The following RBFOX3 variants were observed in gnomAD, a reference collection of about 807,000 sequenced individuals.
The protein encoded by RBFOX3 is RNA binding protein fox-1 homolog 3.
RBFOX3 carries 17 observed loss-of-function variants against 48.7 expected under a neutral mutation model. The ratio of observed to expected loss-of-function variants is 0.35; its 90% CI spans 0.24 to 0.52. RBFOX3 has a LOEUF of 0.52. Ranked by LOEUF, RBFOX3 falls within the 20% of genes least tolerant of loss-of-function variation. RBFOX3 has a pLI of 0.94. For missense variants in RBFOX3, 382 were observed against 497.5 expected, an observed-to-expected ratio of 0.77 and a Z score of 2.21; for synonymous variants, 212 against 209.5, an observed-to-expected ratio of 1.01 and a Z score of -0.10.
chr17:79,515,166 G>A (rs942825971), intron 1 of RBFOX3, among the ~76,000 whole-genome samples: 49 of 152,276 alleles, frequency 3.2e-4, no homozygotes, highest in African/African-American at 1.0e-3. Context: ...GACCCTTTCC[G>A]GAGGAGCAAC....
Position 79,391,076 on chromosome 17 carries a change from C to G in RBFOX3, c.-174-83252G>C, listed in dbSNP as rs2061331031. ...ACCCACTGCCATGGGAGCCTTCGCA[C>G]CTCGGGTCTGGTGGCCTGTAACCCC... On this transcript the variant is annotated intron_variant, in intron 2 of 14. Coordinates refer to ENST00000693108, the MANE Select transcript of RBFOX3 (RefSeq NM_001350451.2). The surrounding 1 kb of genome is among the most constrained non-coding windows in gnomAD (Gnocchi z 5.0). Among the ~76,000 whole-genome samples the G allele has an allele frequency of 6.6e-6, 1 of 152,202 alleles. No individual in the cohort carries two copies. Among genetic ancestry groups the G allele is most frequent in the Non-Finnish European group, 1.5e-5 (1 of 68,044 alleles).
rs537473841 is a variant in RBFOX3, at chr17:79,255,223, G to C, written c.-73-19418C>G. Among the ~76,000 whole-genome samples the C allele has an allele frequency of 8.6e-4, 18 of 21,048 alleles. No homozygotes were observed. In the South Asian group the frequency reaches 0.027, roughly 32 times the overall value. 13.8% of individuals were successfully genotyped at this position (21,048 alleles called of 152,430 possible). On this transcript the variant is annotated intron_variant, in intron 3 of 14. Transcript: ENST00000693108. ...AGTGGCCCTGTGGTCACATGTGTGC[G>C]TGTGTGTGTGTGTGTGTGTGTGTGT...
intron 1 of RBFOX3, among the ~76,000 whole-genome samples, chr17:79,561,533 G>A (rs1049540429): frequency 3.3e-5 from 5 of 152,156 alleles, no homozygotes; most frequent in Admixed American, 2.0e-4. Flanking sequence ...CCAGCTCCAC[G>A]AGGCCACTGG....
intron 4 of RBFOX3, among the ~76,000 whole-genome samples, chr17:79,179,666 G>A (rs780286816): frequency 2.8e-4 from 42 of 152,112 alleles, no homozygotes; most frequent in Non-Finnish European, 2.1e-4. Context: ...AGTAATTACC[G>A]TGACAAAATC....
Position 79,301,599 on chromosome 17 carries a change from T to C in RBFOX3, c.-74+6125A>G, listed in dbSNP as rs1230387931. 2.0e-5 allele frequency among the ~76,000 whole-genome samples: 3 copies of C among 152,332 alleles called. No homozygotes were observed. In the East Asian group the frequency reaches 5.8e-4, roughly 29 times the overall value. On this transcript the variant is annotated intron_variant, in intron 3 of 14. Transcript: ENST00000693108. ...GCACCTCGCTGGAAAGTGAGTTTCC[T>C]AGTCAGTCTATCTTCCATCACACAG...
chr17:79,445,289 T>A (rs1217591647), intron 2 of RBFOX3, among the ~76,000 whole-genome samples: 3 of 151,834 alleles, frequency 2.0e-5, no homozygotes, highest in Non-Finnish European at 1.5e-5. Context: ...TGTAAGGGGG[T>A]CCCACTGCCC....
At chr17:79,652,507 G>T in the RBFOX3 span, among the ~76,000 whole-genome samples, 1 of 145,414 alleles carries the variant, frequency 6.9e-6, no homozygotes, top group Non-Finnish European at 1.5e-5. Flanking sequence ...GAAAGGAAAG[G>T]AAAAGGAAAG....
In RBFOX3 at chr17:79,214,955, G is replaced by A. The variant is rs1321958567; in HGVS notation, c.-34+20811C>T. Among the ~76,000 whole-genome samples the A allele has an allele frequency of 6.6e-6, 1 of 152,012 alleles. No homozygotes were observed. Among genetic ancestry groups the A allele is most frequent in the African/African-American group, 2.4e-5 (1 of 41,388 alleles). On this transcript the variant is annotated intron_variant, in intron 4 of 14. Transcript: ENST00000693108. The surrounding 1 kb of genome is among the most constrained non-coding windows in gnomAD (Gnocchi z 4.7). ...TTCTGCCTTGGCATCTTCGCCTGGT[G>A]CCGGTCAATTATGAAGCCACCCGCT... is the stretch of plus-strand genomic sequence containing the variant.
chr17:79,183,954 A>G (rs2052821567), intron 4 of RBFOX3, among the ~76,000 whole-genome samples: 1 of 152,140 alleles, frequency 6.6e-6, no homozygotes. Context: ...GGGGTCTGGA[A>G]TCTCCCTTTG....
the RBFOX3 span, among the ~76,000 whole-genome samples, chr17:79,659,798 T>A: frequency 6.6e-6 from 1 of 151,990 alleles, no homozygotes. Flanking sequence ...GATGGAGAAA[T>A]AGAATACACA....
Position 79,298,763 on chromosome 17 carries a change from T to A in RBFOX3, c.-74+8961A>T, listed in dbSNP as rs950673474. On this transcript the variant is annotated intron_variant, in intron 3 of 14. Transcript: ENST00000693108. ...TTGACACTGCCCCCACTTACACACC[T>A]TGAGTTTGAGGTGTCAGGGGTGGTA... 3.9e-5 allele frequency among the ~76,000 whole-genome samples: 6 copies of A among 152,052 alleles called. 1 individual carries two copies. Among genetic ancestry groups the A allele is most frequent in the Admixed American group, 1.3e-4 (2 of 15,270 alleles).
At chr17:79,434,041 G>A (rs1272544903) in intron 2 of RBFOX3, among the ~76,000 whole-genome samples, 3 of 152,292 alleles carry the variant, frequency 2.0e-5, no homozygotes, top group Non-Finnish European at 2.9e-5. Context: ...AGGAACACTG[G>A]ACAGCTGTGT....
At chr17:79,352,015 G>A (rs945399649) in intron 2 of RBFOX3, among the ~76,000 whole-genome samples, 1 of 152,080 alleles carries the variant, frequency 6.6e-6, no homozygotes, top group Non-Finnish European at 1.5e-5. Flanking sequence ...GAGAGGAGAA[G>A]CTTCTGCATT....
At chr17:79,426,205 G>A (rs1298870753) in intron 2 of RBFOX3, among the ~76,000 whole-genome samples, 1 of 152,108 alleles carries the variant, frequency 6.6e-6, no homozygotes, top group African/African-American at 2.4e-5. Flanking sequence ...CCCAGGTCGT[G>A]GGGCCCACCT....
chr17:79,307,361 T>C (rs576258582), intron 3 of RBFOX3, among the ~76,000 whole-genome samples: 8 of 152,372 alleles, frequency 5.3e-5, no homozygotes, highest in Non-Finnish European at 1.0e-4. Context: ...TTTATATTAA[T>C]GACTCCTGTA....
At chr17:79,150,982 C>T (rs980436670) in intron 4 of RBFOX3, among the ~76,000 whole-genome samples, 7 of 152,182 alleles carry the variant, frequency 4.6e-5, no homozygotes, top group Admixed American at 6.5e-5. Context: ...TGCTGGTGGC[C>T]GCCCCGCTGC....
intron 2 of RBFOX3, among the ~76,000 whole-genome samples, chr17:79,338,248 T>G (rs1409944650): frequency 6.6e-6 from 1 of 152,156 alleles, no homozygotes. Flanking sequence ...CTTCTCCAGA[T>G]ATTTTTTAAC....
At chr17:79,492,972 G>C (rs2149621259) in intron 1 of RBFOX3, among the ~76,000 whole-genome samples, 1 of 152,262 alleles carries the variant, frequency 6.6e-6, no homozygotes, top group Non-Finnish European at 1.5e-5. Flanking sequence ...CTATTAGGCT[G>C]TTCTTGCATT....
At chr17:79,500,250 CTTTTTTTT>C (rs1222646327) in intron 1 of RBFOX3, among the ~76,000 whole-genome samples, 4 of 104,244 alleles carry the variant, frequency 3.8e-5, no homozygotes, top group Non-Finnish European at 5.7e-5. Context: ...AGAGAAATGA[CTTTTTTTT>C]TTTTTTTTTT....
Sources: allele counts gnomAD v4.1 joint callset (sites outside exome capture counted in the v4.1 genomes callset), GRCh38; gene constraint gnomAD v4.1.1; non-coding constraint Gnocchi (gnomAD v3.1); transcripts MANE v1.5; gene names NCBI Gene and HGNC (gene_info 2026-07-23, HGNC 2026-07-21).